Variants in PAPSS2 observed in about 807,000 individuals in gnomAD.
PAPSS2 encodes bifunctional 3'-phosphoadenosine 5'-phosphosulfate synthase 2.
PAPSS2 carries 61 observed loss-of-function variants against 66.5 expected under a neutral mutation model. The observed-to-expected ratio is 0.92, with a 90% confidence interval of 0.75 to 1.14. The LOEUF (loss-of-function observed/expected upper bound fraction) is 1.14, where lower values mean the gene tolerates loss of function less well. Among genes scored for constraint, PAPSS2 ranks in the 50% most tolerant of loss-of-function variants. The probability of loss-of-function intolerance (pLI) is 0.00; values close to 1 mark genes in which losing one functional copy is unlikely to be tolerated. For synonymous variants in PAPSS2, 289 were observed against 287.5 expected, an observed-to-expected ratio of 1.01 and a Z score of -0.05; for missense variants, 708 against 789.6, an observed-to-expected ratio of 0.90 and a Z score of 1.24.
chr10:87,729,341 C>T (rs1002723116), intron 9 of PAPSS2, among the ~76,000 whole-genome samples: 6 of 151,748 alleles, frequency 4.0e-5, no homozygotes, highest in African/African-American at 1.2e-4. Context: ...CTCTGTGTCA[C>T]ATTTTGGTGA....
intron 1 of PAPSS2, among the ~76,000 whole-genome samples, chr10:87,691,609 G>C (rs1853172452): frequency 6.6e-6 from 1 of 152,166 alleles, no homozygotes; most frequent in Non-Finnish European, 1.5e-5. Context: ...GTGCCCATGA[G>C]AGTCTTAAAT....
intron 1 of PAPSS2, 139 bp from the exon 2 acceptor site, chr10:87,709,056 CT>C: frequency 1.7e-6 from 1 of 585,348 alleles, no homozygotes; most frequent in Non-Finnish European, 3.1e-6. Context: ...AAAGGTGAGT[CT>C]CTTTCAAAAT....
chr10:87,699,742 C>T (rs187415337), intron 1 of PAPSS2, among the ~76,000 whole-genome samples: 401 of 148,202 alleles, frequency 2.7e-3, no homozygotes, highest in African/African-American at 9.3e-3. Context: ...CCCAGATACT[C>T]GGGAGGCTGA....
chr10:87,745,044 T>G lies in PAPSS2; in HGVS notation c.1534T>G (p.Phe512Val). The G allele has an allele frequency of 6.2e-7, 1 of 1,614,090 alleles. No homozygotes were observed. The highest frequency in any genetic ancestry group is 8.5e-7 in the Non-Finnish European group (1 of 1,179,984). Reference protein sequence around the residue: ...CRSRMIAGANFYIVGRDPAGM... With the variant: ...CRSRMIAGANVYIVGRDPAGM... The stretch of plus-strand genomic sequence containing the variant: ...GTCCCGGATGATTGCGGGTGCCAAT[T>G]TCTACATTGTGGGGAGGGACCCTGC... The change falls in exon 12 of 13, where the codon TTC (phenylalanine) becomes GTC (valine). Residue 512 changes from phenylalanine to valine, a missense_variant. Physicochemically the swap from Phe to Val is conservative, Grantham distance 50 (BLOSUM62 -1). Transcript: ENST00000456849.
intron 1 of PAPSS2, among the ~76,000 whole-genome samples, chr10:87,686,260 C>G (rs147874372): frequency 1.4e-5 from 2 of 141,166 alleles, no homozygotes; most frequent in Non-Finnish European, 3.0e-5. Flanking sequence ...TCCTGTCGAA[C>G]TTTGTCCTTT....
chr10:87,701,941 G>A (rs1010905563), intron 1 of PAPSS2, among the ~76,000 whole-genome samples: 6 of 152,170 alleles, frequency 3.9e-5, no homozygotes, highest in Non-Finnish European at 8.8e-5. Context: ...GTGGTAGCCT[G>A]GTAACTTGGT....
chr10:87,672,977 C>T (rs1852897955), intron 1 of PAPSS2, among the ~76,000 whole-genome samples: 1 of 152,220 alleles, frequency 6.6e-6, no homozygotes, highest in African/African-American at 2.4e-5. Flanking sequence ...GCTTCTTTTA[C>T]AGCAAGGATG....
intron 1 of PAPSS2, among the ~76,000 whole-genome samples, chr10:87,700,346 A>G (rs1283395954): frequency 6.6e-6 from 1 of 152,212 alleles, no homozygotes; most frequent in Non-Finnish European, 1.5e-5. Context: ...ACTAAAATGG[A>G]AAATTTTCTT....
intron 9 of PAPSS2, 85 bp downstream of exon 9, chr10:87,727,574 A>G (rs895906554): frequency 1.8e-6 from 2 of 1,114,036 alleles, no homozygotes; most frequent in Non-Finnish European, 2.7e-6. Flanking sequence ...TTTGCAAAGG[A>G]CTTAGAAAAA....
chr10:87,683,069 TTTTTTCTTTTCC>T (rs1245081460), intron 1 of PAPSS2, among the ~76,000 whole-genome samples: 4 of 150,906 alleles, frequency 2.7e-5, no homozygotes. Context: ...TTTTTTTTCT[TTTTTTCTTTTCC>T]TTTTTCTTTT....
At chr10:87,739,310 T>G (rs767762782) in intron 9 of PAPSS2, among the ~76,000 whole-genome samples, 1 of 152,218 alleles carries the variant, frequency 6.6e-6, no homozygotes, top group Non-Finnish European at 1.5e-5. Context: ...TCAAAGATTA[T>G]TTTTAAAAAT....
At position 87,709,422 on chromosome 10, in the gene PAPSS2, G is replaced by A. The variant is rs116580268; in HGVS notation, c.145+109G>A. ...TTACATGCTTGTTTTATCATTAGAA[G>A]GAGGCTGGGAGATGTAGTAGAAAGC... On this transcript the variant is annotated intron_variant, in intron 2 of 12. Transcript: ENST00000456849. 2.6e-3 allele frequency: 1,738 copies of A among 679,260 alleles called. 17 individuals are homozygous for A. The African/African-American group carries it at 0.026, about 10-fold the overall frequency. The allele number at this position is 679,260 out of a possible 1,614,324, so 42.1% of individuals were successfully genotyped here.
At chr10:87,734,679 A>G (rs866644511) in intron 9 of PAPSS2, among the ~76,000 whole-genome samples, 2,119 of 120,738 alleles carry the variant, frequency 0.018, 71 homozygotes, top group Middle Eastern at 0.025. Flanking sequence ...ATATATATAT[A>G]TATATATATA....
At chr10:87,660,181 G>A (rs769060284) in intron 1 of PAPSS2, among the ~76,000 whole-genome samples, 173 bp downstream of exon 1, 8 of 152,104 alleles carry the variant, frequency 5.3e-5, no homozygotes, top group Non-Finnish European at 7.4e-5. Context: ...TGGAATTCCC[G>A]GGGCAGTCCT....
chr10:87,710,335 C>A (rs1038422419), intron 2 of PAPSS2, among the ~76,000 whole-genome samples: 2 of 152,208 alleles, frequency 1.3e-5, no homozygotes, highest in Non-Finnish European at 1.5e-5. Context: ...AAACAACTTT[C>A]TGCAGCCTCC....
rs192723029 is a variant in PAPSS2 at position 87,746,778 on chromosome 10, G to A, written c.*808G>A. The A allele has an allele frequency of 6.6e-6, 1 of 152,292 alleles. No homozygotes were observed. Among genetic ancestry groups the A allele is most frequent in the Admixed American group, 6.5e-5 (1 of 15,288 alleles). The allele number at this position is 152,292 out of a possible 1,614,324, so 9.4% of individuals were successfully genotyped here. On this transcript the variant is annotated 3_prime_UTR_variant, in exon 13 of 13. Coordinates refer to ENST00000456849, the MANE Select transcript of PAPSS2 (RefSeq NM_001015880.2). The stretch of plus-strand genomic sequence containing the variant: ...CTGTGGTCATTGTGTCTTGCAGAAA[G>A]GATGGCCCTGATGCAGCAGCAGCGC...
chr10:87,674,240 C>G (rs1044759390), intron 1 of PAPSS2, among the ~76,000 whole-genome samples: 2 of 152,230 alleles, frequency 1.3e-5, no homozygotes, highest in Non-Finnish European at 2.9e-5. Flanking sequence ...TCTCGGCTCA[C>G]TGCAACCTCC....
At chr10:87,695,612 A>G (rs747285615) in intron 1 of PAPSS2, among the ~76,000 whole-genome samples, 2 of 152,240 alleles carry the variant, frequency 1.3e-5, no homozygotes, top group Non-Finnish European at 2.9e-5. Flanking sequence ...AGTGGAAGTC[A>G]CAGGAACCAA....
At chr10:87,682,076 G>A (rs1853028150) in intron 1 of PAPSS2, among the ~76,000 whole-genome samples, 1 of 152,166 alleles carries the variant, frequency 6.6e-6, no homozygotes, top group Non-Finnish European at 1.5e-5. Context: ...TGGGCCAGAT[G>A]ACTTATTTTG....
Sources: gnomAD v4.1 joint callset for allele counts (sites outside exome capture counted in the v4.1 genomes callset) on GRCh38, gnomAD v4.1.1 for gene constraint, MANE v1.5 for transcripts, NCBI Gene and HGNC (gene_info 2026-07-23, HGNC 2026-07-21) for gene names.